Variants in TTN observed in about 807,000 individuals in gnomAD.
TTN encodes the protein connectin.
Under a neutral mutation model 3,223.0 loss-of-function variants are expected in TTN, and 1,525 were observed. The observed-to-expected ratio is 0.47, with a 90% confidence interval of 0.45 to 0.49. The LOEUF (loss-of-function observed/expected upper bound fraction) is 0.49. TTN is among the 20% of genes least tolerant of loss of function. TTN has a pLI of 0.00. For missense variants in TTN, 40,786 were observed against 43,424.0 expected (o/e 0.94, Z 5.40); for synonymous variants, 14,094 against 15,161.0 (o/e 0.93, Z 5.17).
rs368777046 is a variant in TTN at position 178,681,114 on chromosome 2, C to T, written c.33305G>A (p.Arg11102His). 103 of 1,604,824 alleles carry T rather than the reference C, an allele frequency of 6.4e-5. No homozygotes were observed. Among genetic ancestry groups the T allele is most frequent in the Admixed American group, 1.7e-4 (10 of 58,058 alleles). ...EEKIRISITK[R>H]EKEQVTEPAA... ...GGGTTCAGTCACCTGCTCTTTTTCA[C>T]GTTTGGTAATTGAAATACGTATTTT... is the stretch of plus-strand genomic sequence containing the variant. The change falls in exon 138 of 363, where the codon CGT becomes CAT. Residue 11102 changes from arginine (R) to histidine (H), a missense_variant. Arg to His is a conservative substitution (Grantham distance 29). Coordinates refer to ENST00000589042, the MANE Select transcript of TTN (RefSeq NM_001267550.2).
chr2:178,539,780 A>T lies in TTN; in HGVS notation c.98285T>A (p.Ile32762Asn). 6.2e-7 allele frequency: 1 copy of T among 1,613,822 alleles called. No individual in the cohort carries two copies. Among genetic ancestry groups the T allele is most frequent in the Non-Finnish European group, 8.5e-7 (1 of 1,179,778 alleles). The change falls in exon 352 of 363, where the codon ATC becomes AAC. Residue 32762 changes from isoleucine (I) to asparagine (N), a missense_variant. Ile to Asn is a moderately radical substitution (Grantham distance 149). Coordinates refer to ENST00000589042, the MANE Select transcript of TTN (RefSeq NM_001267550.2). ...ATSETHTELV[I>N]KEADRGDSGT... is the part of the protein sequence containing the mutation. ...AGAATCACCCCTGTCTGCTTCTTTG[A>T]TCACAAGCTCAGTGTGTGTTTCAGA...
At chr2:178,546,941 A>G (rs539590479) in intron 340 of TTN, 36 bp from the exon 341 acceptor site, 3 of 1,577,022 alleles carry the variant, frequency 1.9e-6, no homozygotes, top group African/African-American at 1.4e-5. Context: ...AAAATATACC[A>G]CTCTGAGTTC....
rs2154300873 is a variant in TTN, at chr2:178,720,786, A to G, written c.23099-123T>C. On this transcript the variant is annotated intron_variant, in intron 79 of 362. Transcript: ENST00000589042. ...ATGACAATACATGCTGACACAAGAA[A>G]TGACAATTCATTAAAACTTGTTGAA... is the stretch of plus-strand genomic sequence containing the variant. 4 of 1,366,346 alleles carry G rather than the reference A, an allele frequency of 2.9e-6. No individual in the cohort carries two copies. In the East Asian group the frequency reaches 1.0e-4, roughly 34 times the overall value. 84.6% of individuals were successfully genotyped at this position (1,366,346 alleles called of 1,614,324 possible).
chr2:178,570,711 G>T lies in TTN; in HGVS notation c.75421C>A (p.Pro25141Thr). 1 of 1,613,498 alleles carries T rather than the reference G, an allele frequency of 6.2e-7. No homozygotes were observed. The highest frequency in any genetic ancestry group is 8.5e-7 in the Non-Finnish European group (1 of 1,179,604). The change falls in exon 326 of 363, where the codon CCA becomes ACA. Residue 25141 changes from proline to threonine, a missense_variant. By Grantham distance (38) the Pro-to-Thr change is conservative. Coordinates refer to ENST00000589042, the MANE Select transcript of TTN (RefSeq NM_001267550.2). ...TCACCTTTTATCCACTGAATGGTTG[G>T]TATTGGTTTGCCATAAATATCTGCA... ...VDADIYGKPI[P>T]TIQWIKGDQE...
chr2:178,751,378 T>TTCA (rs2085454636), intron 47 of TTN: 1 of 1,606,298 alleles, frequency 6.2e-7, no homozygotes. Flanking sequence ...CTAAATATTC[T>TTCA]TCATCATACA....
chr2:178,692,374 A>G, intron 120 of TTN, 123 bp downstream of exon 120: 1 of 991,566 alleles, frequency 1.0e-6, no homozygotes, highest in South Asian at 1.5e-5. Context: ...AATGAAATCA[A>G]TATACACAGA....
rs775070186 is a variant in TTN, at chr2:178,778,900, G to C, written c.4182C>G (p.Pro1394=). The change falls in exon 24 of 363, where the codon CCC becomes CCG. Residue 1394 remains proline (P), a synonymous_variant. Transcript: ENST00000589042. ...AAPLGAPTYI[P]TLEPVSRIRS... is the part of the protein sequence containing the mutation. ...TGATTCTGCTCACTGGCTCTAGTGT[G>C]GGAATGTAAGTCGGAGCTCCAAGTG... 3.7e-6 allele frequency: 6 copies of C among 1,613,940 alleles called. No individual in the cohort carries two copies. In the Admixed American group the frequency reaches 1.0e-4, roughly 27 times the overall value.
rs794727458 is a variant in TTN, at chr2:178,556,906, A to G, written c.88248T>C (p.Val29416=). Residue 29416 remains valine (V), a synonymous_variant, in exon 330 of 363, where the codon GTT becomes GTC. Coordinates refer to ENST00000589042, the MANE Select transcript of TTN (RefSeq NM_001267550.2). The part of the protein sequence containing the change: ...YEFRVFARNA[V]GSISNPSEVV... Reference sequence around the variant, plus strand: ...CCTCAGATGGATTGCTAATGGAACCAACAGCATTCCTAGCAAAGACACGGA... The same window carrying G: ...CCTCAGATGGATTGCTAATGGAACCGACAGCATTCCTAGCAAAGACACGGA... The G allele has an allele frequency of 1.2e-6, 2 of 1,613,832 alleles. No individual in the cohort carries two copies. The highest frequency in any genetic ancestry group is 3.3e-5 in the Admixed American group (2 of 60,016).
chr2:178,727,098 A>T lies in TTN; in HGVS notation c.20267T>A (p.Ile6756Lys). 1 of 1,535,988 alleles carries T rather than the reference A, an allele frequency of 6.5e-7. No homozygotes were observed. The highest frequency in any genetic ancestry group is 8.8e-7 in the Non-Finnish European group (1 of 1,137,872). Residue 6756 changes from isoleucine to lysine, a missense_variant, in exon 69 of 363, where the codon ATA (isoleucine) becomes AAA (lysine). Physicochemically the swap from Ile to Lys is moderately radical, Grantham distance 102. Transcript: ENST00000589042. ...AAGAACAAGATGTCTACCTTTTACTATAACCTTGGTACTGCAGCTTGTGCT... is the reference window on the plus strand; with the variant it reads ...AAGAACAAGATGTCTACCTTTTACTTTAACCTTGGTACTGCAGCTTGTGCT... ...AGSTSCSTKV[I>K]VKEPPVFSSF...
chr2:178,752,993 A>G lies in TTN; in HGVS notation c.11311+131T>C, dbSNP rs2085963034. 3 of 641,056 alleles carry G rather than the reference A, an allele frequency of 4.7e-6. No individual in the cohort carries two copies. The South Asian group carries it at 7.5e-5, about 16-fold the overall frequency. 39.7% of individuals were successfully genotyped at this position (641,056 alleles called of 1,614,324 possible). A position where few individuals can be genotyped will look rare whatever the true frequency, so the allele number is the denominator to read the frequency against. ...AACCAAGCATGCGACATAGTAATAT[A>G]TACTCTAAGAGATATATTTGTATAT... On this transcript the variant is annotated intron_variant, in intron 47 of 362. Coordinates refer to ENST00000589042, the MANE Select transcript of TTN (RefSeq NM_001267550.2).
At chr2:178,686,416 G>A (rs768779930) in intron 127 of TTN, among the ~76,000 whole-genome samples, 45 of 77,674 alleles carry the variant, frequency 5.8e-4, no homozygotes, top group Non-Finnish European at 1.0e-3. Context: ...CACCGCGCCC[G>A]GCCAGTTTTA....
intron 136 of TTN, 81 bp downstream of exon 136, chr2:178,681,579 AC>A: frequency 6.8e-7 from 1 of 1,477,898 alleles, no homozygotes; most frequent in Non-Finnish European, 9.3e-7. Flanking sequence ...GTACACTGCC[AC>A]TTTTACATAT....
Position 178,740,258 on chromosome 2 carries a change from G to T in TTN, c.12975C>A (p.Gly4325=), listed in dbSNP as rs761742775. 3 of 1,613,540 alleles carry T rather than the reference G, an allele frequency of 1.9e-6. No homozygotes were observed. The South Asian group carries it at 3.3e-5, about 18-fold the overall frequency. The part of the protein sequence containing the change: ...GQDSAVRIEE[G]KSLRFPLALE... ...GTGCTAGTGGAAATCTTAAGGACTT[G>T]CCTTCCTCAATTCTGACCGCAGAAT... The change falls in exon 48 of 363, where the codon GGC becomes GGA. Residue 4325 remains glycine (G), a synonymous_variant. Coordinates refer to ENST00000589042, the MANE Select transcript of TTN (RefSeq NM_001267550.2).
chr2:178,805,433 A>C (rs1422438003), intron 1 of TTN, among the ~76,000 whole-genome samples: 1 of 152,110 alleles, frequency 6.6e-6, no homozygotes, highest in Non-Finnish European at 1.5e-5. Flanking sequence ...CTTCTCCCCA[A>C]TATTTTTCGT....
At position 178,701,192 on chromosome 2, in the gene TTN, C is replaced by A. The variant is rs1156559893; in HGVS notation, c.30610G>T (p.Val10204Leu). Residue 10204 changes from valine (V) to leucine (L), a missense_variant, in exon 111 of 363, where the codon GTG (valine) becomes TTG (leucine). Transcript: ENST00000589042. Reference protein sequence around the residue: ...RAVPPEEIPPVVAPPIPLLLP... With the variant: ...RAVPPEEIPPLVAPPIPLLLP... ...AAAAGGGGGATAGGAGGAGCAACCACAGGAGGGATTTCTGAAGAAAATAAA... is the reference window on the plus strand; with the variant it reads ...AAAAGGGGGATAGGAGGAGCAACCAAAGGAGGGATTTCTGAAGAAAATAAA... The A allele has an allele frequency of 1.9e-6, 3 of 1,608,866 alleles. No homozygotes were observed. In the South Asian group the frequency reaches 3.3e-5, roughly 18 times the overall value.
Position 178,590,963 on chromosome 2 carries a change from A to G in TTN, c.60762T>C (p.Val20254=). Residue 20254 remains valine (V), a synonymous_variant, in exon 304 of 363, where the codon GTT becomes GTC. Coordinates refer to ENST00000589042, the MANE Select transcript of TTN (RefSeq NM_001267550.2). Reference sequence around the variant, plus strand: ...TAGGTGTGGAGTCAAGGGGAGGACCAACACCTATCTTATTCTCTGCTCTAA... The same window carrying G: ...TAGGTGTGGAGTCAAGGGGAGGACCGACACCTATCTTATTCTCTGCTCTAA... The part of the protein sequence containing the change: ...FRVRAENKIG[V]GPPLDSTPTV... 6.2e-7 allele frequency: 1 copy of G among 1,613,420 alleles called. No homozygotes were observed. The highest frequency in any genetic ancestry group is 1.7e-4 in the Middle Eastern group (1 of 6,048).
At chr2:178,633,149 C>CA (rs2060012218) in intron 233 of TTN, 38 bp downstream of exon 233, 3 of 1,603,392 alleles carry the variant, frequency 1.9e-6, no homozygotes, top group Non-Finnish European at 2.6e-6. Context: ...CACAACCAAG[C>CA]AACCCCTCTC....
chr2:178,535,125 A>G lies in TTN; in HGVS notation c.101490T>C (p.Phe33830=). 6.2e-7 allele frequency: 1 copy of G among 1,613,846 alleles called. No homozygotes were observed. The highest frequency in any genetic ancestry group is 8.5e-7 in the Non-Finnish European group (1 of 1,179,848). Residue 33830 remains phenylalanine (F), a synonymous_variant, in exon 358 of 363, where the codon TTT becomes TTC. Coordinates refer to ENST00000589042, the MANE Select transcript of TTN (RefSeq NM_001267550.2). ...MIAEDLGRGE[F]GIVHRCVETS... Reference sequence around the variant, plus strand: ...TTTCAACACAACGATGGACAATTCCAAACTCACCACGCCCAAGATCTTCAG... The same window carrying G: ...TTTCAACACAACGATGGACAATTCCGAACTCACCACGCCCAAGATCTTCAG...
chr2:178,701,091 T>C, intron 111 of TTN, 29 bp downstream of exon 111: 1 of 1,602,266 alleles, frequency 6.2e-7, no homozygotes. Context: ...AATTCTTATT[T>C]CGACATCTAG....
Sources: gnomAD v4.1 joint callset for allele counts (sites outside exome capture counted in the v4.1 genomes callset) on GRCh38, gnomAD v4.1.1 for gene constraint, MANE v1.5 for transcripts, NCBI Gene and HGNC (gene_info 2026-07-23, HGNC 2026-07-21) for gene names.